SOBP: variants seen among roughly 807,000 people sequenced by gnomAD.
SOBP encodes sine oculis-binding protein homolog.
SOBP carries 4 observed loss-of-function variants against 53.6 expected under a neutral mutation model. That is an observed-to-expected ratio of 0.07 (90% CI 0.04 to 0.17). SOBP has a LOEUF of 0.17. Among genes scored for constraint, SOBP ranks in the 10% least tolerant of loss-of-function variants. SOBP has a pLI of 1.00. For synonymous variants in SOBP, 584 were observed against 522.6 expected (o/e 1.12, Z -1.60); for missense variants, 1,088 against 1,204.7 (o/e 0.90, Z 1.43).
At chr6:107,637,772 G>A (rs1025977081) in intron 6 of SOBP, among the ~76,000 whole-genome samples, 1 of 152,236 alleles carries the variant, frequency 6.6e-6, no homozygotes, top group Non-Finnish European at 1.5e-5. Context: ...ACTAACATAT[G>A]AGTAGCTTGG....
intron 4 of SOBP, among the ~76,000 whole-genome samples, chr6:107,568,190 A>G (rs1478734312): frequency 6.6e-6 from 1 of 152,200 alleles, no homozygotes; most frequent in African/African-American, 2.4e-5. Flanking sequence ...GTATTTTCAT[A>G]TATTTCAACT....
At chr6:107,515,288 C>CA (rs895417736) in intron 3 of SOBP, among the ~76,000 whole-genome samples, 2 of 151,792 alleles carry the variant, frequency 1.3e-5, no homozygotes, top group Non-Finnish European at 2.9e-5. Flanking sequence ...TTAAGAAAAA[C>CA]AAAAAACAAA....
chr6:107,650,821 G>A (rs1222455851), intron 6 of SOBP, among the ~76,000 whole-genome samples: 1 of 152,188 alleles, frequency 6.6e-6, no homozygotes, highest in Non-Finnish European at 1.5e-5. Flanking sequence ...GAAAGGAGGA[G>A]ACCCATGTCT....
At chr6:107,596,146 A>C (rs1785939718) in intron 5 of SOBP, among the ~76,000 whole-genome samples, 2 of 152,134 alleles carry the variant, frequency 1.3e-5, no homozygotes, top group South Asian at 4.1e-4. Context: ...GATCCCTGAG[A>C]ACCATGCTTA....
intron 4 of SOBP, among the ~76,000 whole-genome samples, chr6:107,569,055 G>T (rs753734673): frequency 6.6e-6 from 1 of 152,164 alleles, no homozygotes; most frequent in East Asian, 1.9e-4. Flanking sequence ...TATTTGGGGG[G>T]CAGGTAAAGG....
At chr6:107,500,747 G>C (rs141775615) in intron 1 of SOBP, among the ~76,000 whole-genome samples, 5 of 152,100 alleles carry the variant, frequency 3.3e-5, no homozygotes, top group East Asian at 1.9e-4. Flanking sequence ...GGATGGTCTC[G>C]ATCTCCTGAC....
intron 3 of SOBP, among the ~76,000 whole-genome samples, chr6:107,521,722 G>A (rs76279492): frequency 8.7e-4 from 132 of 152,270 alleles, no homozygotes; most frequent in African/African-American, 3.1e-3. Context: ...ACATACCTAA[G>A]ATAGAATTAT....
At chr6:107,648,778 C>A (rs953824968) in intron 6 of SOBP, among the ~76,000 whole-genome samples, 7 of 152,080 alleles carry the variant, frequency 4.6e-5, no homozygotes, top group African/African-American at 1.7e-4. Flanking sequence ...GCAACCCTTC[C>A]TGGCAAAGTT....
intron 5 of SOBP, among the ~76,000 whole-genome samples, chr6:107,596,569 A>G (rs1785954567): frequency 6.6e-6 from 1 of 152,214 alleles, no homozygotes; most frequent in African/African-American, 2.4e-5. Flanking sequence ...TCATTCTTGC[A>G]AGTGAAATGT....
chr6:107,634,384 C>T lies in SOBP; in HGVS notation c.1540C>T (p.Leu514Phe). ...GATGATGAATTTCGGGCTGCCGTCG[C>T]TTGCCCCGCTGGTGCCGCCCCCGAC... ...PQMMNFGLPS[L>F]APLVPPPTLL... The change falls in exon 6 of 7, where the codon CTT becomes TTT. Residue 514 changes from leucine (L) to phenylalanine (F), a missense_variant. Leu to Phe is a conservative substitution (Grantham distance 22). This residue lies in a region of SOBP where 665 missense variants were observed against 629.7 expected (regional missense o/e 1.06). Coordinates refer to ENST00000317357, the MANE Select transcript of SOBP (RefSeq NM_018013.4). The surrounding 1 kb of genome is among the most constrained non-coding windows in gnomAD (Gnocchi z 4.5). 2.5e-6 allele frequency: 4 copies of T among 1,597,996 alleles called. No individual in the cohort carries two copies. Among genetic ancestry groups the T allele is most frequent in the Non-Finnish European group, 3.4e-6 (4 of 1,178,208 alleles).
At chr6:107,578,073 CAAAA>C (rs11362582) in intron 4 of SOBP, among the ~76,000 whole-genome samples, 53 of 87,468 alleles carry the variant, frequency 6.1e-4, no homozygotes, top group African/African-American at 2.3e-3. Flanking sequence ...GACTCTGTCT[CAAAA>C]AAAAAAAAAA....
chr6:107,490,639 G>T lies in SOBP; in HGVS notation c.23G>T (p.Gly8Val). 6.2e-7 allele frequency: 1 copy of T among 1,607,256 alleles called. No homozygotes were observed. Among genetic ancestry groups the T allele is most frequent in the Non-Finnish European group, 8.5e-7 (1 of 1,176,396 alleles). ...AACATGGCAGAAATGGAGAAAGAAG[G>T]GAGACCTCCCGAAAATAAACGGAGC... The part of the protein sequence containing the change: MAEMEKE[G>V]RPPENKRSRK... Residue 8 changes from glycine to valine, a missense_variant, in exon 1 of 7, where the codon GGG (glycine) becomes GTG (valine). By Grantham distance (109) the Gly-to-Val change is moderately radical. Transcript: ENST00000317357.
intron 3 of SOBP, among the ~76,000 whole-genome samples, chr6:107,511,979 C>T (rs1036213815): frequency 1.3e-5 from 2 of 151,530 alleles, no homozygotes; most frequent in African/African-American, 2.4e-5. Context: ...TGAAGGGAAT[C>T]ACCATGATCC....
Position 107,634,546 on chromosome 6 carries a change from G to A in SOBP, c.1702G>A (p.Gly568Ser). ...GGAGAACTTCATTCCGAACGCCCCTGGCGACTCCGCGGCGGCGGGCGGCAA... is the reference window on the plus strand; with the variant it reads ...GGAGAACTTCATTCCGAACGCCCCTAGCGACTCCGCGGCGGCGGGCGGCAA... Reference protein sequence around the residue: ...NGENFIPNAPGDSAAAGGKPS... With the variant: ...NGENFIPNAPSDSAAAGGKPS... The change falls in exon 6 of 7, where the codon GGC becomes AGC. Residue 568 changes from glycine (G) to serine (S), a missense_variant. By Grantham distance (56) the Gly-to-Ser change is moderately conservative (BLOSUM62 0). Coordinates refer to ENST00000317357, the MANE Select transcript of SOBP (RefSeq NM_018013.4). This position sits in a 1 kb window ranked among gnomAD's most constrained non-coding sequence, Gnocchi z 4.5. 1 of 1,609,286 alleles carries A rather than the reference G, an allele frequency of 6.2e-7. No individual in the cohort carries two copies. Among genetic ancestry groups the A allele is most frequent in the Middle Eastern group, 1.6e-4 (1 of 6,062 alleles).
intron 1 of SOBP, 30 bp downstream of exon 1, chr6:107,490,742 C>T: frequency 6.6e-7 from 1 of 1,518,718 alleles, no homozygotes; most frequent in Non-Finnish European, 9.0e-7. Context: ...GCCAGGGAGA[C>T]TGAGCTCTTT....
At chr6:107,592,232 C>G (rs1261917586) in intron 5 of SOBP, among the ~76,000 whole-genome samples, 1 of 152,120 alleles carries the variant, frequency 6.6e-6, no homozygotes, top group Admixed American at 6.5e-5. Context: ...TTTATTTACT[C>G]TCAGGCCCCT....
chr6:107,566,357 T>C (rs1260672259), intron 4 of SOBP, among the ~76,000 whole-genome samples: 1 of 149,932 alleles, frequency 6.7e-6, no homozygotes, highest in Non-Finnish European at 1.5e-5. Context: ...TTGAGACTCT[T>C]TTAATCTGTA....
chr6:107,516,441 G>A (rs1031829649), intron 3 of SOBP, among the ~76,000 whole-genome samples: 3 of 150,686 alleles, frequency 2.0e-5, no homozygotes, highest in African/African-American at 7.3e-5. Flanking sequence ...TTGCACCATT[G>A]TACTCCAGCC....
chr6:107,642,452 A>T, intron 6 of SOBP, among the ~76,000 whole-genome samples: 1 of 152,256 alleles, frequency 6.6e-6, no homozygotes, highest in Non-Finnish European at 1.5e-5. Flanking sequence ...CATAGTTTAA[A>T]ATTGGAAATC....
Sources: allele counts gnomAD v4.1 joint callset (sites outside exome capture counted in the v4.1 genomes callset), GRCh38; gene constraint gnomAD v4.1.1; regional missense constraint gnomAD v4.1.1; non-coding constraint Gnocchi (gnomAD v3.1); transcripts MANE v1.5; gene names NCBI Gene and HGNC (gene_info 2026-07-23, HGNC 2026-07-21).